ZDHHC14: variants seen among roughly 807,000 people sequenced by gnomAD.
The protein encoded by ZDHHC14 is palmitoyltransferase ZDHHC14.
Under a neutral mutation model 47.7 loss-of-function variants are expected in ZDHHC14, and 16 were observed. That is an observed-to-expected ratio of 0.34 (90% CI 0.23 to 0.51). ZDHHC14 has a LOEUF of 0.51. Ranked by LOEUF, ZDHHC14 falls within the 20% of genes least tolerant of loss-of-function variation. The pLI, the probability that ZDHHC14 is intolerant of heterozygous loss-of-function variation, is 0.97. For synonymous variants in ZDHHC14, 293 were observed against 278.9 expected (o/e 1.05, Z -0.50); for missense variants, 515 against 662.5 (o/e 0.78, Z 2.44).
At chr6:157,639,214 A>AG (rs1777128007) in intron 5 of ZDHHC14, among the ~76,000 whole-genome samples, 1 of 152,230 alleles carries the variant, frequency 6.6e-6, no homozygotes, top group African/African-American at 2.4e-5. Context: ...TTGAAGACTA[A>AG]GGGGGTGAGG....
chr6:157,516,306 G>A (rs935819393), intron 1 of ZDHHC14, among the ~76,000 whole-genome samples: 5 of 152,176 alleles, frequency 3.3e-5, no homozygotes, highest in Non-Finnish European at 2.9e-5. Context: ...GTGAACATCC[G>A]TATATAGCAT....
chr6:157,668,084 A>G (rs1349534586), intron 8 of ZDHHC14, among the ~76,000 whole-genome samples: 1 of 152,174 alleles, frequency 6.6e-6, no homozygotes, highest in Non-Finnish European at 1.5e-5. Context: ...AATGTGGCAA[A>G]GTGTTTTCAA....
chr6:157,446,534 C>T (rs1248545617), intron 1 of ZDHHC14, among the ~76,000 whole-genome samples: 5 of 152,024 alleles, frequency 3.3e-5, no homozygotes, highest in African/African-American at 1.2e-4. Flanking sequence ...CTCGGCCTCC[C>T]GAATAGCTGG....
chr6:157,388,223 T>A (rs2749667), intron 1 of ZDHHC14, among the ~76,000 whole-genome samples: 129,624 of 152,228 alleles, frequency 0.85, 55,317 homozygotes, highest in Middle Eastern at 0.94. Context: ...ACTTGAATTT[T>A]TCTAATAAAA....
intron 1 of ZDHHC14, among the ~76,000 whole-genome samples, chr6:157,454,825 T>G (rs1778877057): frequency 6.6e-6 from 1 of 152,198 alleles, no homozygotes; most frequent in Admixed American, 6.5e-5. Flanking sequence ...CAAGCAGTTA[T>G]TTTCTTTTGT....
intron 1 of ZDHHC14, among the ~76,000 whole-genome samples, chr6:157,504,239 G>A (rs1050083777): frequency 3.3e-5 from 5 of 151,802 alleles, no homozygotes; most frequent in African/African-American, 1.2e-4. Context: ...ATGGAGTCTC[G>A]CTGTGCCGCC....
At chr6:157,581,254 T>A (rs1489029849) in intron 2 of ZDHHC14, among the ~76,000 whole-genome samples, 2 of 152,010 alleles carry the variant, frequency 1.3e-5, no homozygotes, top group Non-Finnish European at 2.9e-5. Flanking sequence ...TTAGTATGGA[T>A]TTTTTATTTT....
chr6:157,540,910 G>GTGTGTGTGTATATATATA (rs1284429244), intron 1 of ZDHHC14, among the ~76,000 whole-genome samples: 3 of 122,992 alleles, frequency 2.4e-5, no homozygotes, highest in African/African-American at 8.7e-5. Flanking sequence ...GTGTGTGTGT[G>GTGTGTGTGTATATATATA]TATATATATA....
chr6:157,474,843 T>C (rs973365503), intron 1 of ZDHHC14, among the ~76,000 whole-genome samples: 9 of 152,328 alleles, frequency 5.9e-5, no homozygotes, highest in Admixed American at 5.9e-4. Context: ...ATTCTCCCAT[T>C]CTGTAGGTTG....
intron 1 of ZDHHC14, among the ~76,000 whole-genome samples, chr6:157,439,686 C>T (rs1778523827): frequency 1.3e-5 from 2 of 152,126 alleles, no homozygotes. Flanking sequence ...TATAAATCAT[C>T]CTATTACAAA....
intron 3 of ZDHHC14, among the ~76,000 whole-genome samples, chr6:157,598,500 T>C (rs937837745): frequency 6.6e-6 from 1 of 152,204 alleles, no homozygotes; most frequent in Admixed American, 6.5e-5. Flanking sequence ...GGATCATTAT[T>C]AAGAGCAGAC....
At chr6:157,383,980 A>G (rs548488559) in intron 1 of ZDHHC14, among the ~76,000 whole-genome samples, 7 of 152,350 alleles carry the variant, frequency 4.6e-5, no homozygotes, top group African/African-American at 1.7e-4. Context: ...GAACACTGGC[A>G]CTGGAAGCGT....
Position 157,646,568 on chromosome 6 carries a change from G to A in ZDHHC14, c.856-691G>A, listed in dbSNP as rs562392868. Among the ~76,000 whole-genome samples the A allele has an allele frequency of 3.4e-4, 50 of 146,900 alleles. No homozygotes were observed. The South Asian group carries it at 0.01, about 30-fold the overall frequency. On this transcript the variant is annotated intron_variant, in intron 6 of 8. Transcript: ENST00000359775. ...GCAGAGGTTGCAGTGAGCTGAGATA[G>A]CGCCACTGCACTCCAGCCTGGGTGA...
At chr6:157,568,320 T>C (rs1187435431) in intron 2 of ZDHHC14, among the ~76,000 whole-genome samples, 2 of 152,230 alleles carry the variant, frequency 1.3e-5, no homozygotes, top group African/African-American at 4.8e-5. Context: ...TTAAAGGTAC[T>C]TAATTAATTC....
intron 3 of ZDHHC14, among the ~76,000 whole-genome samples, chr6:157,626,152 T>C (rs895894051): frequency 6.6e-6 from 1 of 152,190 alleles, no homozygotes; most frequent in Non-Finnish European, 1.5e-5. Flanking sequence ...GTGTTAACGA[T>C]GCCTCCCAGA....
chr6:157,650,635 T>G (rs1011371861), intron 7 of ZDHHC14, among the ~76,000 whole-genome samples: 1 of 147,292 alleles, frequency 6.8e-6, no homozygotes, highest in African/African-American at 2.6e-5. Context: ...TTAATTTCTC[T>G]TGTCATTAAA....
At chr6:157,421,002 T>C (rs935342467) in intron 1 of ZDHHC14, among the ~76,000 whole-genome samples, 2 of 152,212 alleles carry the variant, frequency 1.3e-5, no homozygotes, top group Non-Finnish European at 2.9e-5. Context: ...TCTGATGCTT[T>C]GCAGCAGAAC....
intron 1 of ZDHHC14, among the ~76,000 whole-genome samples, chr6:157,395,567 C>T (rs190641081): frequency 3.9e-5 from 6 of 152,190 alleles, no homozygotes; most frequent in African/African-American, 7.2e-5. Flanking sequence ...AGGCCAAGGC[C>T]GGCGGATCAG....
rs184536883 is a variant in ZDHHC14 at position 157,528,886 on chromosome 6, A to G, written c.246-13699A>G. On this transcript the variant is annotated intron_variant, in intron 1 of 8. Coordinates refer to ENST00000359775, the MANE Select transcript of ZDHHC14 (RefSeq NM_024630.3). ...TTAATTAATTAATTTAAAAAGCACA[A>G]TTAGATGAAGACTGGGGGTGGGAGT... Among the ~76,000 whole-genome samples the G allele has an allele frequency of 2.8e-3, 415 of 149,956 alleles. 3 individuals are homozygous for G. The highest frequency in any genetic ancestry group is 5.4e-3 in the Admixed American group (82 of 15,056).
Sources: allele counts gnomAD v4.1 joint callset (sites outside exome capture counted in the v4.1 genomes callset), GRCh38; gene constraint gnomAD v4.1.1; transcripts MANE v1.5; gene names NCBI Gene and HGNC (gene_info 2026-07-23, HGNC 2026-07-21).